Variants in ROBO1 observed in about 807,000 individuals in gnomAD.
ROBO1 encodes the protein roundabout homolog 1.
A neutral mutation model predicts 195.9 loss-of-function variants in ROBO1; 149 were observed. That is an observed-to-expected ratio of 0.76 (90% CI 0.67 to 0.87). The LOEUF (loss-of-function observed/expected upper bound fraction) is 0.87, where lower values mean the gene tolerates loss of function less well. Ranked by LOEUF, ROBO1 falls within the 40% of genes least tolerant of loss-of-function variation. The probability of loss-of-function intolerance (pLI) is 0.00; values close to 1 mark genes in which losing one functional copy is unlikely to be tolerated. For missense variants in ROBO1, 1,933 were observed against 2,068.3 expected, an observed-to-expected ratio of 0.93 and a Z score of 1.27; for synonymous variants, 816 against 733.2, an observed-to-expected ratio of 1.11 and a Z score of -1.82.
intron 4 of ROBO1, among the ~76,000 whole-genome samples, chr3:78,848,390 C>T (rs940147707): frequency 1.3e-5 from 2 of 152,114 alleles, no homozygotes; most frequent in Admixed American, 6.6e-5. Flanking sequence ...GTTCTAGATT[C>T]TGAGGATAAG....
At chr3:79,162,477 C>T (rs1432626751) in intron 2 of ROBO1, among the ~76,000 whole-genome samples, 1 of 152,060 alleles carries the variant, frequency 6.6e-6, no homozygotes. Flanking sequence ...TAAATAACAT[C>T]ATGTGAAATG....
chr3:79,596,845 A>T (rs1010618987), intron 1 of ROBO1, among the ~76,000 whole-genome samples: 7 of 152,034 alleles, frequency 4.6e-5, no homozygotes, highest in Non-Finnish European at 8.8e-5. Context: ...GAAGCTCAGC[A>T]CAAATTGTAT....
intron 2 of ROBO1, among the ~76,000 whole-genome samples, chr3:79,408,122 G>T (rs1226297688): frequency 7.2e-5 from 11 of 151,928 alleles, no homozygotes; most frequent in Non-Finnish European, 1.5e-4. Context: ...AGGCTGAGAG[G>T]CAGGAGATTC....
intron 2 of ROBO1, among the ~76,000 whole-genome samples, chr3:79,217,606 G>T (rs2082076832): frequency 6.6e-6 from 1 of 151,772 alleles, no homozygotes; most frequent in Admixed American, 6.6e-5. Flanking sequence ...TTTTTTCTTA[G>T]ACTATTTCTG....
chr3:78,680,210 A>C (rs2080860478), intron 10 of ROBO1, among the ~76,000 whole-genome samples: 1 of 152,204 alleles, frequency 6.6e-6, no homozygotes, highest in African/African-American at 2.4e-5. Flanking sequence ...TAAATGTTAG[A>C]CCTAAAATCA....
chr3:79,460,982 A>T (rs895126782), intron 2 of ROBO1, among the ~76,000 whole-genome samples: 1 of 152,110 alleles, frequency 6.6e-6, no homozygotes, highest in South Asian at 2.1e-4. Flanking sequence ...TTATTAAAAA[A>T]AATTAATTGC....
chr3:79,544,128 A>T (rs1467402682), intron 2 of ROBO1, among the ~76,000 whole-genome samples: 1 of 151,990 alleles, frequency 6.6e-6, no homozygotes, highest in East Asian at 1.9e-4. Context: ...GAAAACAAAG[A>T]TTTTTCATAT....
chr3:79,659,967 G>A (rs775740114), intron 1 of ROBO1, among the ~76,000 whole-genome samples: 12 of 152,134 alleles, frequency 7.9e-5, no homozygotes, highest in South Asian at 2.1e-4. Context: ...ATATGCAAGC[G>A]TCCCTCAAAG....
At chr3:79,207,195 A>C (rs1271313837) in intron 2 of ROBO1, among the ~76,000 whole-genome samples, 1 of 152,180 alleles carries the variant, frequency 6.6e-6, no homozygotes, top group Admixed American at 6.6e-5. Context: ...AACATTGATC[A>C]AACAGTTGAT....
chr3:79,145,002 A>T (rs1365193918), intron 2 of ROBO1, among the ~76,000 whole-genome samples: 1 of 152,022 alleles, frequency 6.6e-6, no homozygotes, highest in Admixed American at 6.6e-5. Context: ...AATTGCCTAC[A>T]TAAAATTGTT....
intron 5 of ROBO1, among the ~76,000 whole-genome samples, chr3:78,719,624 C>T (rs9828832): frequency 0.039 from 5,967 of 152,142 alleles, 388 homozygotes; most frequent in African/African-American, 0.14. Context: ...AAGTATGAGG[C>T]ATTACTATAT....
intron 3 of ROBO1, among the ~76,000 whole-genome samples, chr3:79,080,098 C>T (rs781480153): frequency 1.5e-4 from 22 of 151,686 alleles, no homozygotes; most frequent in Non-Finnish European, 3.1e-4. Flanking sequence ...AAAAGTGTTA[C>T]AGGGTTGATA....
intron 1 of ROBO1, among the ~76,000 whole-genome samples, chr3:79,639,887 T>C (rs1218602908): frequency 6.6e-6 from 1 of 152,178 alleles, no homozygotes; most frequent in East Asian, 1.9e-4. Flanking sequence ...TTGTCACCCA[T>C]AGTTTCAGAT....
At chr3:79,253,216 G>A (rs975678713) in intron 2 of ROBO1, among the ~76,000 whole-genome samples, 8 of 152,010 alleles carry the variant, frequency 5.3e-5, no homozygotes, top group Admixed American at 1.3e-4. Context: ...TGTTAGTGTC[G>A]AAGTATACAG....
chr3:78,679,605 G>A (rs1258823655), intron 10 of ROBO1, among the ~76,000 whole-genome samples: 1 of 152,062 alleles, frequency 6.6e-6, no homozygotes, highest in Non-Finnish European at 1.5e-5. Flanking sequence ...AAATACCTAG[G>A]AATCCAACTT....
At chr3:78,742,542 G>T (rs1217330680) in intron 5 of ROBO1, among the ~76,000 whole-genome samples, 2 of 152,096 alleles carry the variant, frequency 1.3e-5, no homozygotes, top group African/African-American at 4.8e-5. Flanking sequence ...CCAAACTGCT[G>T]ATTTTTAATG....
chr3:78,715,934 C>T (rs1045958072), intron 7 of ROBO1, among the ~76,000 whole-genome samples: 1 of 152,116 alleles, frequency 6.6e-6, no homozygotes, highest in African/African-American at 2.4e-5. Context: ...ACACAAAGCC[C>T]CTCTTAGTTT....
intron 1 of ROBO1, among the ~76,000 whole-genome samples, chr3:79,644,618 A>C (rs1181840036): frequency 6.6e-6 from 1 of 152,116 alleles, no homozygotes; most frequent in Non-Finnish European, 1.5e-5. Context: ...CCCATTATTC[A>C]ATTACCTTTC....
intron 4 of ROBO1, among the ~76,000 whole-genome samples, chr3:78,859,148 G>A (rs546243137): frequency 5.9e-5 from 9 of 152,196 alleles, no homozygotes; most frequent in Non-Finnish European, 1.0e-4. Flanking sequence ...CAGGGTGACA[G>A]TAGTGGAGGT....
Sources: allele counts gnomAD v4.1 joint callset (sites outside exome capture counted in the v4.1 genomes callset), GRCh38; gene constraint gnomAD v4.1.1; transcripts MANE v1.5; gene names NCBI Gene and HGNC (gene_info 2026-07-23, HGNC 2026-07-21).